The following SDK1 variants were observed in gnomAD, a reference collection of about 807,000 sequenced individuals.
SDK1 encodes the protein protein sidekick-1.
Under a neutral mutation model 245.5 loss-of-function variants are expected in SDK1, and 157 were observed. The observed-to-expected ratio is 0.64, with a 90% CI of 0.56 to 0.73. The LOEUF (loss-of-function observed/expected upper bound fraction) is 0.73. Among genes scored for constraint, SDK1 ranks in the 30% least tolerant of loss-of-function variants. SDK1 has a pLI of 0.00. For missense variants in SDK1, 3,583 were observed against 3,002.3 expected (o/e 1.19, Z -4.52); for synonymous variants, 1,647 against 1,278.5 (o/e 1.29, Z -6.15).
intron 38 of SDK1, among the ~76,000 whole-genome samples, chr7:4,216,434 C>T (rs1040970125): frequency 1.5e-4 from 23 of 152,240 alleles, no homozygotes; most frequent in African/African-American, 5.3e-4. Context: ...ACTGTGCCTG[C>T]GTGGGGGACT....
intron 5 of SDK1, among the ~76,000 whole-genome samples, chr7:3,949,030 C>T (rs1780689749): frequency 6.6e-6 from 1 of 152,166 alleles, no homozygotes; most frequent in African/African-American, 2.4e-5. Flanking sequence ...CATTCCTGTC[C>T]TTTGCCCCAT....
At chr7:3,528,234 T>C (rs1444373330) in intron 1 of SDK1, among the ~76,000 whole-genome samples, 1 of 58,182 alleles carries the variant, frequency 1.7e-5, no homozygotes, top group African/African-American at 7.0e-5. Flanking sequence ...TGGGAGGTAA[T>C]GTTGGATGAT....
chr7:3,578,598 C>G (rs913155139), intron 1 of SDK1, among the ~76,000 whole-genome samples: 1 of 151,920 alleles, frequency 6.6e-6, no homozygotes, highest in African/African-American at 2.4e-5. Context: ...ACAGACACTC[C>G]CACAGCAGCC....
At chr7:3,772,722 A>C (rs1247701903) in intron 4 of SDK1, among the ~76,000 whole-genome samples, 1 of 152,198 alleles carries the variant, frequency 6.6e-6, no homozygotes, top group Non-Finnish European at 1.5e-5. Context: ...CATTTCATTC[A>C]GAAGGGCTCC....
chr7:3,932,817 A>G (rs1780024534), intron 5 of SDK1, among the ~76,000 whole-genome samples: 1 of 152,226 alleles, frequency 6.6e-6, no homozygotes, highest in Admixed American at 6.5e-5. Flanking sequence ...GGAGAGAACA[A>G]TGTGTACACA....
intron 4 of SDK1, among the ~76,000 whole-genome samples, chr7:3,762,316 A>G (rs1240046894): frequency 6.6e-6 from 1 of 152,222 alleles, no homozygotes; most frequent in African/African-American, 2.4e-5. Flanking sequence ...AGAGGACAGA[A>G]AACAGACTGC....
chr7:3,437,225 T>C (rs1448769632), intron 1 of SDK1, among the ~76,000 whole-genome samples: 1 of 152,040 alleles, frequency 6.6e-6, no homozygotes, highest in Non-Finnish European at 1.5e-5. Context: ...AAAACCTGAG[T>C]GGTAAGTAAT....
chr7:3,447,486 G>T (rs186458666), intron 1 of SDK1, among the ~76,000 whole-genome samples: 1 of 152,084 alleles, frequency 6.6e-6, no homozygotes, highest in East Asian at 1.9e-4. Flanking sequence ...TTCATAAATT[G>T]GACCATTCGC....
intron 17 of SDK1, among the ~76,000 whole-genome samples, chr7:4,041,328 G>C (rs112502069): frequency 6.6e-6 from 1 of 150,418 alleles, no homozygotes; most frequent in East Asian, 1.9e-4. Context: ...TCATAGGACA[G>C]TTGAGTAGAA....
intron 4 of SDK1, among the ~76,000 whole-genome samples, chr7:3,658,989 C>G (rs118000168): frequency 1.3e-5 from 2 of 151,846 alleles, no homozygotes; most frequent in East Asian, 1.9e-4. Flanking sequence ...AGTCACTCAT[C>G]TTTCTTCCCA....
intron 13 of SDK1, among the ~76,000 whole-genome samples, chr7:3,983,386 C>T (rs1008261656): frequency 1.9e-4 from 29 of 152,188 alleles, no homozygotes; most frequent in African/African-American, 7.0e-4. Context: ...TATAGCCCCA[C>T]CACTCCGATC....
At chr7:3,702,563 C>T (rs1208500085) in intron 4 of SDK1, among the ~76,000 whole-genome samples, 1 of 152,186 alleles carries the variant, frequency 6.6e-6, no homozygotes, top group Non-Finnish European at 1.5e-5. Flanking sequence ...TTCATTCATA[C>T]CTGCTTCTGG....
intron 4 of SDK1, among the ~76,000 whole-genome samples, chr7:3,675,119 T>C (rs1783851271): frequency 6.6e-6 from 1 of 152,214 alleles, no homozygotes; most frequent in African/African-American, 2.4e-5. Flanking sequence ...TCTCCAATGT[T>C]GATCTCCCTC....
intron 1 of SDK1, among the ~76,000 whole-genome samples, chr7:3,383,080 T>C (rs1168075387): frequency 2.0e-5 from 3 of 152,184 alleles, no homozygotes; most frequent in African/African-American, 7.2e-5. Flanking sequence ...TTCTTGCATT[T>C]CCGCTAAAAA....
In SDK1 at chr7:4,265,794, C is replaced by G; in HGVS notation, c.*410C>G. 1 of 1,007,782 alleles carries G rather than the reference C, an allele frequency of 9.9e-7. No homozygotes were observed. The highest frequency in any genetic ancestry group is 1.2e-6 in the Non-Finnish European group (1 of 846,314). The allele number at this position is 1,007,782 out of a possible 1,614,324, so 62.4% of individuals were successfully genotyped here. On this transcript the variant is annotated 3_prime_UTR_variant, in exon 45 of 45. Coordinates refer to ENST00000404826, the MANE Select transcript of SDK1 (RefSeq NM_152744.4). ...GAGCTGCCCCGGCCGGCCCCCGTCT[C>G]TTTCTACCTCCTCTTCCAGAGAACC...
chr7:4,213,075 TC>T (rs1784588955), intron 38 of SDK1, among the ~76,000 whole-genome samples: 1 of 152,090 alleles, frequency 6.6e-6, no homozygotes, highest in South Asian at 2.1e-4. Flanking sequence ...GGTCAAGAGA[TC>T]GAGACCATCC....
At chr7:4,095,774 G>C (rs867004258) in intron 22 of SDK1, among the ~76,000 whole-genome samples, 1 of 152,064 alleles carries the variant, frequency 6.6e-6, no homozygotes, top group Non-Finnish European at 1.5e-5. Context: ...GGGTTTCGCC[G>C]TGTGGGCCAG....
rs562349579 is a variant in SDK1 at position 3,829,790 on chromosome 7, A to G, written c.847+8207A>G. Among the ~76,000 whole-genome samples, 5 of 152,294 alleles carry G rather than the reference A, an allele frequency of 3.3e-5. No individual in the cohort carries two copies. The East Asian group carries it at 7.7e-4, about 24-fold the overall frequency. On this transcript the variant is annotated intron_variant, in intron 5 of 44. Transcript: ENST00000404826. The stretch of plus-strand genomic sequence containing the variant: ...AAGGAAGTCTTCTGTTCTGATATCA[A>G]AACCACTCCCGATCAACATTCATTC...
chr7:3,716,988 T>C (rs1785222409), intron 4 of SDK1, among the ~76,000 whole-genome samples: 1 of 152,108 alleles, frequency 6.6e-6, no homozygotes, highest in Admixed American at 6.5e-5. Context: ...TATTTGAAGT[T>C]TGAAGAAAAA....
Sources: allele counts gnomAD v4.1 joint callset (sites outside exome capture counted in the v4.1 genomes callset), GRCh38; gene constraint gnomAD v4.1.1; transcripts MANE v1.5; gene names NCBI Gene and HGNC (gene_info 2026-07-23, HGNC 2026-07-21).